Variants in APLF observed in about 807,000 individuals in gnomAD.
The protein encoded by APLF is aprataxin and PNKP like factor.
A neutral mutation model predicts 55.6 loss-of-function variants in APLF; 61 were observed. The observed-to-expected ratio is 1.10, with a 90% CI of 0.89 to 1.36. The LOEUF is 1.36. APLF is among the 40% of genes most tolerant of loss of function. The pLI is 0.00. For synonymous variants in APLF, 207 were observed against 214.8 expected, an observed-to-expected ratio of 0.96 and a Z score of 0.32; for missense variants, 611 against 602.5, an observed-to-expected ratio of 1.01 and a Z score of -0.15.
At chr2:68,540,127 C>T (rs1670506721) in intron 7 of APLF, among the ~76,000 whole-genome samples, 1 of 152,090 alleles carries the variant, frequency 6.6e-6, no homozygotes. Flanking sequence ...GCCCCACATG[C>T]ATTAGGTATT....
In APLF at chr2:68,550,748, T is replaced by A. The variant is rs184897998; in HGVS notation, c.1286+5436T>A. ...GACTTATTACAATCTACCTTACTGT[T>A]GGTGCTTTTACCATTTCCCAAACAG... On this transcript the variant is annotated intron_variant, in intron 8 of 9. Transcript: ENST00000303795. Among the ~76,000 whole-genome samples, 365 of 152,282 alleles carry A rather than the reference T, an allele frequency of 2.4e-3. 2 individuals are homozygous for A. The highest frequency in any genetic ancestry group is 8.3e-3 in the African/African-American group (345 of 41,566).
chr2:68,527,219 G>A (rs1395431912), intron 6 of APLF, among the ~76,000 whole-genome samples: 1 of 151,306 alleles, frequency 6.6e-6, no homozygotes, highest in Middle Eastern at 3.2e-3. Flanking sequence ...ATGGGACGGT[G>A]GCCAGGCAGA....
intron 6 of APLF, among the ~76,000 whole-genome samples, chr2:68,535,054 A>G (rs1168187486): frequency 6.6e-6 from 1 of 152,218 alleles, no homozygotes; most frequent in African/African-American, 2.4e-5. Context: ...GTGCCTCTTA[A>G]AATATATTCG....
Position 68,529,622 on chromosome 2 carries a change from G to A in APLF, c.804+3380G>A. 3.9e-6 allele frequency: 1 copy of A among 256,772 alleles called. No individual in the cohort carries two copies. The highest frequency in any genetic ancestry group is 2.3e-5 in the African/African-American group (1 of 43,490). 15.9% of individuals were successfully genotyped at this position (256,772 alleles called of 1,614,324 possible). Reference sequence around the variant, plus strand: ...GAGCCAGGGTGTGGAGGAGTGCTTAGGAGCCCAGCGAGGGTGCCTGCAAGA... The same window carrying A: ...GAGCCAGGGTGTGGAGGAGTGCTTAAGAGCCCAGCGAGGGTGCCTGCAAGA... On this transcript the variant is annotated intron_variant, in intron 6 of 9. Transcript: ENST00000303795. The surrounding 1 kb of genome is among the most constrained non-coding windows in gnomAD (Gnocchi z 4.4).
chr2:68,572,961 G>A (rs1326874087), intron 9 of APLF, among the ~76,000 whole-genome samples: 1 of 152,060 alleles, frequency 6.6e-6, no homozygotes. Flanking sequence ...CTTAGTTCTT[G>A]GGATAAGAAC....
chr2:68,566,955 G>A (rs1041818979), intron 8 of APLF, among the ~76,000 whole-genome samples: 2 of 151,922 alleles, frequency 1.3e-5, no homozygotes, highest in African/African-American at 4.8e-5. Flanking sequence ...TTTTAATACT[G>A]TAGGCACATA....
intron 8 of APLF, among the ~76,000 whole-genome samples, chr2:68,550,628 C>G (rs1268168180): frequency 1.3e-5 from 2 of 151,790 alleles, no homozygotes; most frequent in African/African-American, 4.8e-5. Context: ...TTATTCTCCT[C>G]TTTTTGACTT....
chr2:68,524,631 A>G (rs961996186), intron 5 of APLF, among the ~76,000 whole-genome samples: 1 of 152,248 alleles, frequency 6.6e-6, no homozygotes, highest in Non-Finnish European at 1.5e-5. Context: ...GCTTTAGAAC[A>G]TGGAATAATG....
chr2:68,486,155 T>G (rs538893943), intron 1 of APLF, among the ~76,000 whole-genome samples: 1 of 152,238 alleles, frequency 6.6e-6, no homozygotes, highest in East Asian at 1.9e-4. Flanking sequence ...TTTTTGAGCA[T>G]TTCTTTGTCC....
intron 8 of APLF, among the ~76,000 whole-genome samples, chr2:68,558,000 A>T (rs924276269): frequency 6.6e-6 from 1 of 152,174 alleles, no homozygotes; most frequent in Non-Finnish European, 1.5e-5. Context: ...ATCATTTGCC[A>T]TGCTTACAGT....
At chr2:68,482,640 T>G (rs1675999775) in intron 1 of APLF, among the ~76,000 whole-genome samples, 1 of 152,146 alleles carries the variant, frequency 6.6e-6, no homozygotes, top group Non-Finnish European at 1.5e-5. Flanking sequence ...GTTTGGCTGC[T>G]TAGGGTCTGG....
intron 1 of APLF, among the ~76,000 whole-genome samples, chr2:68,473,178 C>G (rs1039599743): frequency 6.6e-6 from 1 of 152,116 alleles, no homozygotes; most frequent in African/African-American, 2.4e-5. Flanking sequence ...CCTATTCATC[C>G]CCCAGAGGCT....
rs2104092793 is a variant in APLF, at chr2:68,578,725, A to G, written c.*703A>G. The stretch of plus-strand genomic sequence containing the variant: ...AAAACTTGACCTTTTTTTTCAAACT[A>G]AAGTCCTAGCTGATTATTTTAACTC... On this transcript the variant is annotated 3_prime_UTR_variant, in exon 10 of 10. Coordinates refer to ENST00000303795, the MANE Select transcript of APLF (RefSeq NM_173545.3). 1.0e-6 allele frequency: 1 copy of G among 985,230 alleles called. No homozygotes were observed. The highest frequency in any genetic ancestry group is 1.2e-6 in the Non-Finnish European group (1 of 829,794). The allele number at this position is 985,230 out of a possible 1,614,324, so 61.0% of individuals were successfully genotyped here.
At chr2:68,533,238 A>G (rs887036153) in intron 6 of APLF, among the ~76,000 whole-genome samples, 1 of 152,156 alleles carries the variant, frequency 6.6e-6, no homozygotes, top group African/African-American at 2.4e-5. Flanking sequence ...AGACCCCACA[A>G]CTGTGAGATA....
At chr2:68,505,747 C>G (rs954090835) in intron 3 of APLF, among the ~76,000 whole-genome samples, 1 of 152,024 alleles carries the variant, frequency 6.6e-6, no homozygotes, top group Non-Finnish European at 1.5e-5. Flanking sequence ...GTACACCACT[C>G]TCCCAGCACA....
chr2:68,535,121 GAATAA>G (rs893552704), intron 6 of APLF, among the ~76,000 whole-genome samples: 1 of 151,962 alleles, frequency 6.6e-6, no homozygotes, highest in Admixed American at 6.5e-5. Context: ...TTCTCTTTTA[GAATAA>G]GTTAACATGT....
At chr2:68,528,108 G>A (rs1263870129) in intron 6 of APLF, 9 of 559,468 alleles carry the variant, frequency 1.6e-5, no homozygotes, top group South Asian at 4.0e-5. Flanking sequence ...TGGAGCAGCC[G>A]GGCAGAGGTG....
Position 68,578,035 on chromosome 2 carries a change from G to A in APLF, c.*13G>A, listed in dbSNP as rs770603980. 2 of 1,608,310 alleles carry A rather than the reference G, an allele frequency of 1.2e-6. No individual in the cohort carries two copies. Among genetic ancestry groups the A allele is most frequent in the Non-Finnish European group, 8.5e-7 (1 of 1,177,382 alleles). ...GAAAAGAAAATAGTAACTAACTTCT[G>A]TAGTCATATCTGCCTTACATTTACT... On this transcript the variant is annotated 3_prime_UTR_variant, in exon 10 of 10. Coordinates refer to ENST00000303795, the MANE Select transcript of APLF (RefSeq NM_173545.3).
chr2:68,566,701 A>G (rs1250154753), intron 8 of APLF, among the ~76,000 whole-genome samples: 1 of 152,124 alleles, frequency 6.6e-6, no homozygotes, highest in African/African-American at 2.4e-5. Context: ...TGTCTTGTAC[A>G]TATAGGGTAC....
Sources: allele counts gnomAD v4.1 joint callset (sites outside exome capture counted in the v4.1 genomes callset), GRCh38; gene constraint gnomAD v4.1.1; non-coding constraint Gnocchi (gnomAD v3.1); transcripts MANE v1.5; gene names NCBI Gene and HGNC (gene_info 2026-07-23, HGNC 2026-07-21).